The following CFAP91 variants were observed in gnomAD, a reference collection of about 807,000 sequenced individuals.
CFAP91 encodes cilia and flagella associated protein 91.
CFAP91 carries 85 observed loss-of-function variants against 95.9 expected under a neutral mutation model. The ratio of observed to expected loss-of-function variants is 0.89; its 90% CI spans 0.74 to 1.06. The LOEUF (loss-of-function observed/expected upper bound fraction) is 1.06. Ranked by LOEUF, CFAP91 falls within the 50% of genes least tolerant of loss-of-function variation. The probability of loss-of-function intolerance (pLI) is 0.00; values close to 1 mark genes in which losing one functional copy is unlikely to be tolerated. For missense variants in CFAP91, 962 were observed against 943.4 expected (o/e 1.02, Z -0.26); for synonymous variants, 335 against 327.5 (o/e 1.02, Z -0.25).
Position 119,713,611 on chromosome 3 carries a change from T to C in CFAP91, c.501-1951T>C, listed in dbSNP as rs555103112. Among the ~76,000 whole-genome samples the C allele has an allele frequency of 6.6e-5, 10 of 152,140 alleles. No homozygotes were observed. In the East Asian group the frequency reaches 1.9e-3, roughly 29 times the overall value. ...TAAGTCAAAGTGGCTATATTGGTTT[T>C]TTTCTTATTCTAGAGGCAATGCATG... On this transcript the variant is annotated intron_variant, in intron 5 of 17. Transcript: ENST00000273390.
intron 15 of CFAP91, 137 bp from the exon 16 acceptor site, chr3:119,747,674 T>G: frequency 9.5e-6 from 7 of 733,478 alleles, no homozygotes; most frequent in African/African-American, 1.8e-5. Context: ...GCCAGGAATG[T>G]GATATTTCAG....
chr3:119,708,826 G>A (rs9834908), intron 4 of CFAP91, 152 bp downstream of exon 4: 518,033 of 532,192 alleles, frequency 0.97, 253,566 homozygotes, highest in East Asian at 1. Flanking sequence ...GTTAAAACAG[G>A]AATGTAGGCT....
Position 119,720,410 on chromosome 3 carries a change from G to A in CFAP91, c.682+4667G>A, listed in dbSNP as rs200885220. Among the ~76,000 whole-genome samples the A allele has an allele frequency of 4.9e-4, 63 of 128,828 alleles. 1 individual carries two copies. The East Asian group carries it at 6.8e-3, about 14-fold the overall frequency. 84.5% of individuals were successfully genotyped at this position (128,828 alleles called of 152,430 possible). A position where few individuals can be genotyped will look rare whatever the true frequency, so the allele number is the denominator to read the frequency against. On this transcript the variant is annotated intron_variant, in intron 6 of 17. Transcript: ENST00000273390. ...AGACTCTGTCTCAAAAAAAAAAAAA[G>A]AAAAGAAAACTTAGATAAATTATAC...
chr3:119,746,228 G>C (rs1372139708), intron 14 of CFAP91, among the ~76,000 whole-genome samples: 1 of 152,202 alleles, frequency 6.6e-6, no homozygotes, highest in East Asian at 1.9e-4. Flanking sequence ...GGCCTTCTGA[G>C]ATACTGGCAG....
chr3:119,728,518 T>C (rs575966351), intron 7 of CFAP91, among the ~76,000 whole-genome samples: 3 of 152,340 alleles, frequency 2.0e-5, no homozygotes, highest in South Asian at 2.1e-4. Flanking sequence ...ATTGAAGAGA[T>C]TGAGGTCAGT....
intron 6 of CFAP91, 67 bp from the exon 7 acceptor site, chr3:119,726,104 T>G (rs1288069142): frequency 1.5e-6 from 2 of 1,368,232 alleles, no homozygotes; most frequent in East Asian, 4.8e-5. Flanking sequence ...GACAGGGAGT[T>G]AATTATATAC....
chr3:119,720,345 C>T (rs1271723524), intron 6 of CFAP91, among the ~76,000 whole-genome samples: 3 of 149,016 alleles, frequency 2.0e-5, no homozygotes, highest in Admixed American at 1.3e-4. Flanking sequence ...TGCAGTGAGC[C>T]GAGATGATGC....
In CFAP91 at chr3:119,765,474, T is replaced by C. The variant is rs1490494928; in HGVS notation, c.*424T>C. ...CAGGATTTTATCTCCTAGATATATATTCAACAGAAATGCATGAGTATGTGC... is the reference window on the plus strand; with the variant it reads ...CAGGATTTTATCTCCTAGATATATACTCAACAGAAATGCATGAGTATGTGC... On this transcript the variant is annotated 3_prime_UTR_variant, in exon 18 of 18. Transcript: ENST00000273390. The C allele has an allele frequency of 6.6e-6, 1 of 152,250 alleles. No homozygotes were observed. Among genetic ancestry groups the C allele is most frequent in the Non-Finnish European group, 1.5e-5 (1 of 68,030 alleles). 9.4% of individuals were successfully genotyped at this position (152,250 alleles called of 1,614,324 possible). A position where few individuals can be genotyped will look rare whatever the true frequency, so the allele number is the denominator to read the frequency against.
intron 6 of CFAP91, among the ~76,000 whole-genome samples, chr3:119,720,409 A>AG (rs2053662264): frequency 7.2e-6 from 1 of 138,742 alleles, no homozygotes; most frequent in South Asian, 2.3e-4. Context: ...AAAAAAAAAA[A>AG]GAAAAGAAAA....
chr3:119,728,920 T>A (rs1447967444), intron 7 of CFAP91, among the ~76,000 whole-genome samples: 4 of 152,226 alleles, frequency 2.6e-5, no homozygotes, highest in Non-Finnish European at 4.4e-5. Flanking sequence ...TCGGTTCTTA[T>A]GCCTATTCCA....
In CFAP91 at chr3:119,704,445, G is replaced by T. The variant is rs190172399; in HGVS notation, c.124+1223G>T. On this transcript the variant is annotated intron_variant, in intron 1 of 17. Transcript: ENST00000273390. ...GGATGGGGAAAATCAGAACTAAGATGCTGTGCTCTCCTGCTTTCTTTCTTT... is the reference window on the plus strand; with the variant it reads ...GGATGGGGAAAATCAGAACTAAGATTCTGTGCTCTCCTGCTTTCTTTCTTT... Among the ~76,000 whole-genome samples, 751 of 152,298 alleles carry T rather than the reference G, an allele frequency of 4.9e-3. 6 individuals are homozygous for T. Among genetic ancestry groups the T allele is most frequent in the African/African-American group, 0.017 (708 of 41,560 alleles).
intron 17 of CFAP91, among the ~76,000 whole-genome samples, chr3:119,761,270 G>C (rs1472525451): frequency 6.6e-6 from 1 of 151,626 alleles, no homozygotes. Flanking sequence ...AGAAGAAATG[G>C]ATGTCTAGAC....
chr3:119,730,367 G>C lies in CFAP91; in HGVS notation c.1008G>C (p.Thr336=), dbSNP rs111294292. The change falls in exon 8 of 18, where the codon ACG becomes ACC. Residue 336 remains threonine (T), a synonymous_variant. Coordinates refer to ENST00000273390, the MANE Select transcript of CFAP91 (RefSeq NM_033364.4). Reference sequence around the variant, plus strand: ...CAAAAATGGCAAAAATTCAGCGCACGCATGTATCAAGTAATGGTGTAGTAT... The same window carrying C: ...CAAAAATGGCAAAAATTCAGCGCACCCATGTATCAAGTAATGGTGTAGTAT... The part of the protein sequence containing the change: ...KEAKMAKIQR[T]HVSTIRKLVG... 1 of 1,613,690 alleles carries C rather than the reference G, an allele frequency of 6.2e-7. No homozygotes were observed. The highest frequency in any genetic ancestry group is 1.3e-5 in the African/African-American group (1 of 74,876).
At chr3:119,707,074 A>G in intron 2 of CFAP91, 189 bp downstream of exon 2, 1 of 577,362 alleles carries the variant, frequency 1.7e-6, no homozygotes, top group Non-Finnish European at 3.1e-6. Flanking sequence ...TTAAGTCACC[A>G]ATAATGAACA....
intron 9 of CFAP91, 60 bp from the exon 10 acceptor site, chr3:119,733,304 T>A: frequency 6.4e-7 from 1 of 1,565,612 alleles, no homozygotes; most frequent in South Asian, 1.2e-5. Flanking sequence ...GTTAACAATA[T>A]ACCTTAAAAA....
chr3:119,764,584 T>A (rs1367298245), intron 17 of CFAP91, among the ~76,000 whole-genome samples: 1 of 152,112 alleles, frequency 6.6e-6, no homozygotes, highest in African/African-American at 2.4e-5. Flanking sequence ...ACATGGTTTT[T>A]TAAAAGTTAG....
intron 13 of CFAP91, among the ~76,000 whole-genome samples, chr3:119,742,126 C>T (rs923587251): frequency 7.9e-5 from 12 of 152,320 alleles, no homozygotes; most frequent in Non-Finnish European, 1.5e-4. Flanking sequence ...CTAACCCAGG[C>T]TTTTCAGCTC....
intron 5 of CFAP91, chr3:119,710,107 A>T (rs2053446833): frequency 1.9e-6 from 1 of 527,802 alleles, no homozygotes; most frequent in Non-Finnish European, 3.3e-6. Flanking sequence ...ATGGAGGGTA[A>T]GTTGGTTTTT....
intron 11 of CFAP91, 91 bp from the exon 12 acceptor site, chr3:119,739,164 C>A: frequency 9.7e-7 from 1 of 1,030,066 alleles, no homozygotes; most frequent in Non-Finnish European, 1.5e-6. Context: ...CTAGCACAGT[C>A]TGTTTTGCTT....
Sources: gnomAD v4.1 joint callset for allele counts (sites outside exome capture counted in the v4.1 genomes callset) on GRCh38, gnomAD v4.1.1 for gene constraint, MANE v1.5 for transcripts, NCBI Gene and HGNC (gene_info 2026-07-23, HGNC 2026-07-21) for gene names.